CALN1: variants seen among roughly 807,000 people sequenced by gnomAD.
CALN1 encodes the protein calcium-binding protein 8.
A neutral mutation model predicts 30.6 loss-of-function variants in CALN1; 17 were observed. The ratio of observed to expected loss-of-function variants is 0.56; its 90% CI spans 0.38 to 0.83. The LOEUF is 0.83. Among genes scored for constraint, CALN1 ranks in the 40% least tolerant of loss-of-function variants. The pLI is 0.00. For synonymous variants in CALN1, 156 were observed against 131.4 expected (o/e 1.19, Z -1.28); for missense variants, 291 against 354.9 (o/e 0.82, Z 1.45).
chr7:71,946,287 T>C (rs904229931), intron 5 of CALN1, among the ~76,000 whole-genome samples: 1 of 152,150 alleles, frequency 6.6e-6, no homozygotes, highest in Non-Finnish European at 1.5e-5. Flanking sequence ...AAAAATCTAA[T>C]TCTTATAGAA....
chr7:72,109,454 C>G (rs1187790564), intron 3 of CALN1, among the ~76,000 whole-genome samples: 1 of 152,158 alleles, frequency 6.6e-6, no homozygotes, highest in African/African-American at 2.4e-5. Flanking sequence ...CTTACACACC[C>G]TATTAATCTG....
At chr7:72,062,566 G>T (rs1803740237) in intron 4 of CALN1, among the ~76,000 whole-genome samples, 1 of 150,738 alleles carries the variant, frequency 6.6e-6, no homozygotes, top group Admixed American at 6.6e-5. Context: ...TACCAGAAGG[G>T]AACTTAGAAC....
At chr7:72,348,975 C>T (rs1397035772) in intron 2 of CALN1, among the ~76,000 whole-genome samples, 1 of 151,910 alleles carries the variant, frequency 6.6e-6, no homozygotes, top group African/African-American at 2.4e-5. Flanking sequence ...TTAGGATGTT[C>T]AAGGATTTAA....
At chr7:71,848,748 A>C (rs1790467450) in intron 5 of CALN1, among the ~76,000 whole-genome samples, 1 of 152,128 alleles carries the variant, frequency 6.6e-6, no homozygotes, top group Non-Finnish European at 1.5e-5. Context: ...ATATTAAAAC[A>C]TAATAGAAAA....
intron 3 of CALN1, among the ~76,000 whole-genome samples, chr7:72,223,806 T>C (rs1793478961): frequency 6.6e-6 from 1 of 152,158 alleles, no homozygotes; most frequent in Admixed American, 6.5e-5. Context: ...CACCATGGAA[T>C]ACTATGCAGC....
chr7:71,932,012 G>A (rs1795579770), intron 5 of CALN1, among the ~76,000 whole-genome samples: 1 of 152,092 alleles, frequency 6.6e-6, no homozygotes, highest in African/African-American at 2.4e-5. Context: ...TTCTGGAACT[G>A]GCAATTAAGG....
chr7:72,187,665 G>T (rs1480929050), intron 3 of CALN1, among the ~76,000 whole-genome samples: 5 of 152,162 alleles, frequency 3.3e-5, no homozygotes, highest in Non-Finnish European at 7.4e-5. Context: ...CTGCCAAAAG[G>T]GTTGGAGACT....
intron 3 of CALN1, among the ~76,000 whole-genome samples, chr7:72,132,051 T>G (rs748084303): frequency 1.3e-5 from 2 of 152,202 alleles, no homozygotes; most frequent in African/African-American, 4.8e-5. Context: ...ATATGCAATA[T>G]ATGTTTATTG....
At chr7:72,039,654 C>A (rs1265849501) in intron 4 of CALN1, among the ~76,000 whole-genome samples, 1 of 152,212 alleles carries the variant, frequency 6.6e-6, no homozygotes, top group Non-Finnish European at 1.5e-5. Flanking sequence ...GAGTCCACCT[C>A]CTTCCCCACT....
intron 4 of CALN1, among the ~76,000 whole-genome samples, chr7:72,061,682 G>T (rs550865712): frequency 6.6e-6 from 1 of 151,192 alleles, no homozygotes; most frequent in African/African-American, 2.4e-5. Flanking sequence ...AGGCATAAAA[G>T]GAGATGAGAA....
the CALN1 span, among the ~76,000 whole-genome samples, chr7:72,502,382 C>T: frequency 6.7e-6 from 1 of 149,322 alleles, no homozygotes; most frequent in East Asian, 1.9e-4. Flanking sequence ...TCTTCTCCAA[C>T]TTTACTAAAA....
At chr7:72,100,164 G>T (rs563519020) in intron 4 of CALN1, among the ~76,000 whole-genome samples, 50 of 149,880 alleles carry the variant, frequency 3.3e-4, no homozygotes, top group African/African-American at 1.2e-3. Context: ...GAGTTTTTTT[G>T]TTTTTTTTTT....
intron 2 of CALN1, among the ~76,000 whole-genome samples, chr7:72,301,458 A>C (rs1478454366): frequency 6.6e-6 from 1 of 151,840 alleles, no homozygotes; most frequent in Non-Finnish European, 1.5e-5. Flanking sequence ...AAATACAAAA[A>C]TTAGCCTGGC....
At chr7:72,336,875 T>G in intron 2 of CALN1, 1 of 984,774 alleles carries the variant, frequency 1.0e-6, no homozygotes, top group Non-Finnish European at 1.2e-6. Flanking sequence ...CGTGCCGGCA[T>G]CCTCGCTGCC....
chr7:72,156,231 T>A (rs1305868414), intron 3 of CALN1, among the ~76,000 whole-genome samples: 1 of 151,930 alleles, frequency 6.6e-6, no homozygotes, highest in African/African-American at 2.4e-5. Flanking sequence ...AGCAAAAAAA[T>A]GGCATGGGCT....
chr7:72,381,048 G>T (rs1326934877), intron 2 of CALN1, among the ~76,000 whole-genome samples: 1 of 152,122 alleles, frequency 6.6e-6, no homozygotes, highest in East Asian at 1.9e-4. Flanking sequence ...AGGCAATAAA[G>T]ACTAGATGTT....
chr7:72,244,179 G>A (rs1795018527), intron 3 of CALN1, among the ~76,000 whole-genome samples: 1 of 152,158 alleles, frequency 6.6e-6, no homozygotes, highest in Non-Finnish European at 1.5e-5. Flanking sequence ...AGAAATCTCT[G>A]ATTTTAGGCA....
At chr7:72,175,846 G>A (rs944164167) in intron 3 of CALN1, among the ~76,000 whole-genome samples, 2 of 152,168 alleles carry the variant, frequency 1.3e-5, no homozygotes, top group African/African-American at 4.8e-5. Flanking sequence ...CAGAGGAAGA[G>A]GGAAAGTCTC....
At chr7:72,235,455 G>A (rs1190593611) in intron 3 of CALN1, among the ~76,000 whole-genome samples, 1 of 152,062 alleles carries the variant, frequency 6.6e-6, no homozygotes, top group Non-Finnish European at 1.5e-5. Context: ...AACTCCTAAA[G>A]AAATAGCTCC....
Sources: gnomAD v4.1 joint callset for allele counts (sites outside exome capture counted in the v4.1 genomes callset) on GRCh38, gnomAD v4.1.1 for gene constraint, MANE v1.5 for transcripts, NCBI Gene and HGNC (gene_info 2026-07-23, HGNC 2026-07-21) for gene names.